The following FRMD4A variants were observed in gnomAD, a reference collection of about 807,000 sequenced individuals.
FRMD4A encodes the protein FERM domain containing 4A.
Under a neutral mutation model 129.1 loss-of-function variants are expected in FRMD4A, and 29 were observed. The observed-to-expected ratio is 0.22, with a 90% CI of 0.17 to 0.31. The LOEUF is 0.31. Among genes scored for constraint, FRMD4A ranks in the 10% least tolerant of loss-of-function variants. The pLI, the probability that FRMD4A is intolerant of heterozygous loss-of-function variation, is 1.00. For missense variants in FRMD4A, 1,272 were observed against 1,375.8 expected (o/e 0.92, Z 1.19); for synonymous variants, 634 against 571.6 (o/e 1.11, Z -1.56).
At chr10:13,696,301 T>C (rs2086221651) in intron 14 of FRMD4A, among the ~76,000 whole-genome samples, 1 of 152,236 alleles carries the variant, frequency 6.6e-6, no homozygotes, top group African/African-American at 2.4e-5. Context: ...GTACAACCCA[T>C]GACTTCCTTT....
chr10:13,932,742 A>G (rs998343320), intron 2 of FRMD4A, among the ~76,000 whole-genome samples: 4 of 152,224 alleles, frequency 2.6e-5, no homozygotes, highest in Non-Finnish European at 5.9e-5. Flanking sequence ...TGATTACTCC[A>G]AAAAGTAATT....
At chr10:13,970,274 C>T (rs1275358504) in intron 2 of FRMD4A, among the ~76,000 whole-genome samples, 3 of 149,402 alleles carry the variant, frequency 2.0e-5, no homozygotes, top group East Asian at 3.9e-4. Context: ...TCTTCAGAAG[C>T]CATGTAAAGG....
chr10:14,176,062 T>C (rs147319909), intron 2 of FRMD4A, among the ~76,000 whole-genome samples: 2 of 152,332 alleles, frequency 1.3e-5, no homozygotes, highest in Non-Finnish European at 2.9e-5. Context: ...TTTTGTATTG[T>C]AGTGTTTAGG....
intron 2 of FRMD4A, among the ~76,000 whole-genome samples, chr10:14,185,152 G>A (rs1310693420): frequency 6.6e-6 from 1 of 152,184 alleles, no homozygotes; most frequent in Non-Finnish European, 1.5e-5. Flanking sequence ...ATATAGCTCA[G>A]AAAGAACCTT....
chr10:13,746,903 C>T (rs889754143), intron 9 of FRMD4A, among the ~76,000 whole-genome samples: 3 of 152,116 alleles, frequency 2.0e-5, no homozygotes, highest in Non-Finnish European at 4.4e-5. Context: ...TTGAATCATT[C>T]AGAATCAGCC....
At chr10:14,321,530 C>A (rs777173931) in intron 2 of FRMD4A, among the ~76,000 whole-genome samples, 1 of 151,880 alleles carries the variant, frequency 6.6e-6, no homozygotes, top group South Asian at 2.1e-4. Context: ...GAGGAAGGGA[C>A]CCTGGGACAT....
intron 13 of FRMD4A, among the ~76,000 whole-genome samples, chr10:13,704,944 T>C (rs1244924735): frequency 6.6e-6 from 1 of 151,062 alleles, no homozygotes; most frequent in Non-Finnish European, 1.5e-5. Flanking sequence ...GGTGTGTACC[T>C]ATAGTCCCAG....
At chr10:14,037,350 T>G (rs560455128) in intron 2 of FRMD4A, among the ~76,000 whole-genome samples, 1 of 152,172 alleles carries the variant, frequency 6.6e-6, no homozygotes, top group Non-Finnish European at 1.5e-5. Context: ...CCTGAGCAGC[T>G]GGGATTACAG....
chr10:13,980,613 G>A (rs1380016687), intron 2 of FRMD4A, among the ~76,000 whole-genome samples: 1 of 152,114 alleles, frequency 6.6e-6, no homozygotes, highest in South Asian at 2.1e-4. Context: ...CCAGCTACTT[G>A]GGAAGCTGAG....
intron 15 of FRMD4A, among the ~76,000 whole-genome samples, chr10:13,678,197 G>A (rs986622687): frequency 3.9e-5 from 6 of 152,126 alleles, no homozygotes; most frequent in Non-Finnish European, 7.4e-5. Context: ...AAACAGGCAA[G>A]AAAGTCCTGG....
chr10:14,070,207 G>A (rs1835254579), intron 2 of FRMD4A, among the ~76,000 whole-genome samples: 1 of 152,022 alleles, frequency 6.6e-6, no homozygotes, highest in Admixed American at 6.6e-5. Context: ...CCTCATTTGG[G>A]ACTCTCCACC....
chr10:14,310,254 A>G (rs965339817), intron 2 of FRMD4A, among the ~76,000 whole-genome samples: 1 of 152,112 alleles, frequency 6.6e-6, no homozygotes, highest in Non-Finnish European at 1.5e-5. Flanking sequence ...CTGGCCTTCA[A>G]CTTGCCCGCA....
chr10:13,955,834 G>A (rs2095407078), intron 2 of FRMD4A, among the ~76,000 whole-genome samples: 1 of 152,224 alleles, frequency 6.6e-6, no homozygotes, highest in Non-Finnish European at 1.5e-5. Flanking sequence ...GCTGTGAGTA[G>A]TCAATGCTGA....
At chr10:14,012,374 G>C (rs2095685337) in intron 2 of FRMD4A, among the ~76,000 whole-genome samples, 2 of 152,280 alleles carry the variant, frequency 1.3e-5, no homozygotes, top group South Asian at 4.1e-4. Flanking sequence ...TAAAACCCTG[G>C]AAGGAAAATG....
intron 2 of FRMD4A, chr10:13,972,233 G>A: frequency 6.0e-6 from 6 of 999,172 alleles, no homozygotes; most frequent in Non-Finnish European, 7.2e-6. Flanking sequence ...AGAAAGCTAA[G>A]AGCAGAGAGC....
chr10:14,114,899 T>C (rs1838119297), intron 2 of FRMD4A, among the ~76,000 whole-genome samples: 1 of 152,202 alleles, frequency 6.6e-6, no homozygotes, highest in African/African-American at 2.4e-5. Flanking sequence ...GCCGGCCCTC[T>C]GCATACTGAA....
At chr10:13,718,720 T>A (rs1263299555) in intron 12 of FRMD4A, among the ~76,000 whole-genome samples, 1 of 152,228 alleles carries the variant, frequency 6.6e-6, no homozygotes, top group Non-Finnish European at 1.5e-5. Flanking sequence ...GTGTCTACTC[T>A]GCAGCCTGCC....
rs115156746 is a variant in FRMD4A at position 13,935,819 on chromosome 10, C to G, written c.46-76907G>C. On this transcript the variant is annotated intron_variant, in intron 2 of 24. Transcript: ENST00000357447. ...AAAGAAACTGAGGCTCAAAAAGCTA[C>G]ATGAATTCCCTCAAAACATGCCTTC... Among the ~76,000 whole-genome samples the G allele has an allele frequency of 3.1e-3, 470 of 152,296 alleles. 1 individual carries two copies. The highest frequency in any genetic ancestry group is 0.011 in the African/African-American group (452 of 41,554).
intron 13 of FRMD4A, among the ~76,000 whole-genome samples, chr10:13,704,869 G>A (rs1409323): frequency 0.11 from 16,198 of 151,094 alleles, 954 homozygotes; most frequent in South Asian, 0.22. Context: ...TTGGGAATTT[G>A]AGACCAGCCT....
Sources: allele counts gnomAD v4.1 joint callset (sites outside exome capture counted in the v4.1 genomes callset), GRCh38; gene constraint gnomAD v4.1.1; transcripts MANE v1.5; gene names NCBI Gene and HGNC (gene_info 2026-07-23, HGNC 2026-07-21).